Variants in ZFHX4 observed in about 807,000 individuals in gnomAD.
The protein encoded by ZFHX4 is zinc finger homeobox 4, also known as zinc finger homeobox protein 4.
In ZFHX4, 56 loss-of-function variants were observed where a neutral mutation model predicts 267.6. That is an observed-to-expected ratio of 0.21 (90% confidence interval 0.17 to 0.26). ZFHX4 has a LOEUF of 0.26. ZFHX4 is among the 10% of genes least tolerant of loss of function. ZFHX4 has a pLI of 1.00. For synonymous variants in ZFHX4, 1,778 were observed against 1,665.6 expected, an observed-to-expected ratio of 1.07 and a Z score of -1.64; for missense variants, 4,332 against 4,420.0, an observed-to-expected ratio of 0.98 and a Z score of 0.56.
At chr8:76,800,078 G>T (rs747873830) in intron 4 of ZFHX4, among the ~76,000 whole-genome samples, 54 of 152,098 alleles carry the variant, frequency 3.6e-4, no homozygotes, top group Non-Finnish European at 2.5e-4. Context: ...GTGTGTGTGT[G>T]TGTTGTGGGG....
intron 4 of ZFHX4, among the ~76,000 whole-genome samples, chr8:76,830,490 G>A (rs1811905371): frequency 6.6e-6 from 1 of 152,168 alleles, no homozygotes; most frequent in South Asian, 2.1e-4. Context: ...AAGATGCTAT[G>A]TATCATTACT....
intron 3 of ZFHX4, among the ~76,000 whole-genome samples, chr8:76,758,454 T>G (rs547974089): frequency 6.6e-6 from 1 of 152,234 alleles, no homozygotes; most frequent in African/African-American, 2.4e-5. Context: ...ATGATTGGGT[T>G]TTTGGGCAAA....
rs1367280873 is a variant in ZFHX4 at position 76,736,095 on chromosome 8, T to C, written c.3093+28047T>C. 3.3e-5 allele frequency among the ~76,000 whole-genome samples: 5 copies of C among 152,090 alleles called. No individual in the cohort carries two copies. In the East Asian group the frequency reaches 9.6e-4, roughly 29 times the overall value. On this transcript the variant is annotated intron_variant, in intron 3 of 10. Coordinates refer to ENST00000651372, the MANE Select transcript of ZFHX4 (RefSeq NM_024721.5). ...CTAAAGCAAGATGCCATTAAAATCTTTATCCTTCTGTCTTAGTGGATAAAT... is the reference window on the plus strand; with the variant it reads ...CTAAAGCAAGATGCCATTAAAATCTCTATCCTTCTGTCTTAGTGGATAAAT...
chr8:76,846,632 A>G (rs949829133), intron 6 of ZFHX4, among the ~76,000 whole-genome samples: 5 of 152,038 alleles, frequency 3.3e-5, no homozygotes, highest in African/African-American at 1.2e-4. Context: ...AAATAAATAT[A>G]TTCTTAATAT....
chr8:76,711,797 T>C (rs924374700), intron 3 of ZFHX4, among the ~76,000 whole-genome samples: 16 of 152,190 alleles, frequency 1.1e-4, no homozygotes, highest in African/African-American at 3.6e-4. Context: ...CACGTTCAAA[T>C]TGAGGAAGAA....
At chr8:76,788,845 T>C (rs1261360565) in intron 4 of ZFHX4, among the ~76,000 whole-genome samples, 1 of 152,212 alleles carries the variant, frequency 6.6e-6, no homozygotes, top group Non-Finnish European at 1.5e-5. Context: ...CTAAGTAAAT[T>C]GTTTAACTTG....
At chr8:76,849,261 T>G in intron 7 of ZFHX4, 133 bp downstream of exon 7, 1 of 1,076,090 alleles carries the variant, frequency 9.3e-7, no homozygotes. Flanking sequence ...CTCTTGGTAT[T>G]ACCTCTAATG....
intron 3 of ZFHX4, among the ~76,000 whole-genome samples, chr8:76,754,258 A>G (rs1455073159): frequency 1.3e-5 from 2 of 152,078 alleles, no homozygotes; most frequent in Non-Finnish European, 2.9e-5. Context: ...GAGGCCAAGA[A>G]TGGTGGATTG....
In ZFHX4 at chr8:76,826,992, A is replaced by G. The variant is rs543956519; in HGVS notation, c.3326-6346A>G. On this transcript the variant is annotated intron_variant, in intron 4 of 10. Transcript: ENST00000651372. ...AGTTTATGGATAGGGATCAGTTCCT[A>G]TGCTGATGAGCAACCTAGCAAAGCC... is the stretch of plus-strand genomic sequence containing the variant. Among the ~76,000 whole-genome samples the G allele has an allele frequency of 9.2e-5, 14 of 152,360 alleles. No individual in the cohort carries two copies. In the South Asian group the frequency reaches 2.9e-3, roughly 32 times the overall value.
intron 3 of ZFHX4, among the ~76,000 whole-genome samples, chr8:76,754,723 A>T (rs1809718617): frequency 6.6e-6 from 1 of 152,150 alleles, no homozygotes. Flanking sequence ...CCTCTCTTCT[A>T]GCTTTCTGAA....
chr8:76,849,555 G>T lies in ZFHX4; in HGVS notation c.3689G>T (p.Ser1230Ile), dbSNP rs1344817442. 1.2e-6 allele frequency: 2 copies of T among 1,613,826 alleles called. No individual in the cohort carries two copies. The highest frequency in any genetic ancestry group is 2.2e-5 in the East Asian group (1 of 44,888). The change falls in exon 8 of 11, where the codon AGT becomes ATT. Residue 1230 changes from serine (S) to isoleucine (I), a missense_variant. Transcript: ENST00000651372. ...TGTAACTACAATAGTAGGGACCAAAGTCGTATCCAGATGCACGTCCTATCA... is the reference window on the plus strand; with the variant it reads ...TGTAACTACAATAGTAGGGACCAAATTCGTATCCAGATGCACGTCCTATCA... The part of the protein sequence containing the change: ...PYCNYNSRDQ[S>I]RIQMHVLSQH...
intron 10 of ZFHX4, among the ~76,000 whole-genome samples, chr8:76,859,849 A>G (rs1812822401): frequency 6.6e-6 from 1 of 152,162 alleles, no homozygotes; most frequent in Non-Finnish European, 1.5e-5. Flanking sequence ...TGAACTACAT[A>G]TGAGTGCGTT....
chr8:76,855,650 C>T lies in ZFHX4; in HGVS notation c.8729C>T (p.Pro2910Leu). 6.2e-7 allele frequency: 1 copy of T among 1,613,912 alleles called. No homozygotes were observed. Among genetic ancestry groups the T allele is most frequent in the East Asian group, 2.2e-5 (1 of 44,848 alleles). Residue 2910 changes from proline to leucine, a missense_variant, in exon 10 of 11, where the codon CCA becomes CTA. Pro to Leu is a moderately conservative substitution (Grantham distance 98, BLOSUM62 -3). Transcript: ENST00000651372. ...ETSSIADPSS[P>L]NPFGSSNPFK... Reference sequence around the variant, plus strand: ...TCCAGCATAGCGGACCCGAGCTCCCCAAATCCATTCGGATCCAGCAATCCC... The same window carrying T: ...TCCAGCATAGCGGACCCGAGCTCCCTAAATCCATTCGGATCCAGCAATCCC...
intron 3 of ZFHX4, among the ~76,000 whole-genome samples, chr8:76,776,099 C>T (rs1810394345): frequency 6.6e-6 from 1 of 151,786 alleles, no homozygotes; most frequent in Admixed American, 6.6e-5. Flanking sequence ...TTTTAATTCA[C>T]TTGAATCAAC....
chr8:76,685,544 T>C (rs1807672015), intron 1 of ZFHX4, among the ~76,000 whole-genome samples: 1 of 152,232 alleles, frequency 6.6e-6, no homozygotes, highest in Non-Finnish European at 1.5e-5. Context: ...GAAAATATAA[T>C]ATATACGTTT....
At chr8:76,779,471 T>A (rs1000076388) in intron 4 of ZFHX4, among the ~76,000 whole-genome samples, 37 of 152,126 alleles carry the variant, frequency 2.4e-4, no homozygotes, top group African/African-American at 8.9e-4. Context: ...TGTAGGCCAG[T>A]TGGAAAATCA....
intron 5 of ZFHX4, among the ~76,000 whole-genome samples, chr8:76,840,880 C>A (rs1812216623): frequency 6.6e-6 from 1 of 152,212 alleles, no homozygotes; most frequent in South Asian, 2.1e-4. Flanking sequence ...CCACCAGCCA[C>A]TTTACCTACC....
At position 76,855,458 on chromosome 8, in the gene ZFHX4, A is replaced by G. The variant is rs1022369520; in HGVS notation, c.8537A>G (p.Asp2846Gly). The change falls in exon 10 of 11, where the codon GAT becomes GGT. Residue 2846 changes from aspartate (D) to glycine (G), a missense_variant. Around this residue, in one of 7 missense-constraint regions of ZFHX4, gnomAD observed 1,648 missense variants for 1,625.0 expected, o/e 1.01. Transcript: ENST00000651372. ...TCTCCCAAAGAGCCAAAAACTCTGG[A>G]TACTCTGCCAAAACCTGCAACCACA... is the stretch of plus-strand genomic sequence containing the variant. ...ALSPKEPKTL[D>G]TLPKPATTPT... is the part of the protein sequence containing the mutation. The G allele has an allele frequency of 6.2e-7, 1 of 1,613,488 alleles. No individual in the cohort carries two copies. The highest frequency in any genetic ancestry group is 1.3e-5 in the African/African-American group (1 of 74,810).
At chr8:76,823,078 A>G (rs1045973140) in intron 4 of ZFHX4, among the ~76,000 whole-genome samples, 1 of 150,476 alleles carries the variant, frequency 6.6e-6, no homozygotes, top group Non-Finnish European at 1.5e-5. Context: ...CTTTCTCTAC[A>G]ATTTCTTCCA....
Sources: allele counts gnomAD v4.1 joint callset (sites outside exome capture counted in the v4.1 genomes callset), GRCh38; gene constraint gnomAD v4.1.1; regional missense constraint gnomAD v4.1.1; transcripts MANE v1.5; gene names NCBI Gene and HGNC (gene_info 2026-07-23, HGNC 2026-07-21).